SCFD2: variants seen among roughly 807,000 people sequenced by gnomAD.
SCFD2 encodes sec1 family domain-containing protein 2.
A neutral mutation model predicts 58.9 loss-of-function variants in SCFD2; 54 were observed. The ratio of observed to expected loss-of-function variants is 0.92; its 90% CI spans 0.74 to 1.15. The LOEUF (loss-of-function observed/expected upper bound fraction) is 1.15. SCFD2 is among the 50% of genes most tolerant of loss of function. SCFD2 has a pLI of 0.00. For synonymous variants in SCFD2, 321 were observed against 335.9 expected, an observed-to-expected ratio of 0.96 and a Z score of 0.49; for missense variants, 805 against 836.6, an observed-to-expected ratio of 0.96 and a Z score of 0.47.
chr4:52,936,856 C>T (rs1161540950), intron 5 of SCFD2, among the ~76,000 whole-genome samples: 1 of 152,240 alleles, frequency 6.6e-6, no homozygotes, highest in Non-Finnish European at 1.5e-5. Context: ...TTTACTCAGT[C>T]TTCTCCTGTA....
intron 3 of SCFD2, among the ~76,000 whole-genome samples, chr4:53,290,769 A>G (rs1284784073): frequency 6.6e-6 from 1 of 152,122 alleles, no homozygotes; most frequent in South Asian, 2.1e-4. Context: ...AAGTAGAGAC[A>G]TTACTACAGA....
At chr4:53,103,765 AAGT>A (rs1724898221) in intron 5 of SCFD2, among the ~76,000 whole-genome samples, 1 of 82,498 alleles carries the variant, frequency 1.2e-5, no homozygotes, top group Non-Finnish European at 3.0e-5. Flanking sequence ...GAAAGTAAGG[AAGT>A]AAAAAAAAAA....
intron 5 of SCFD2, among the ~76,000 whole-genome samples, chr4:52,980,133 A>G (rs188770659): frequency 1.3e-5 from 2 of 152,290 alleles, no homozygotes; most frequent in East Asian, 3.9e-4. Flanking sequence ...CAAACATGGT[A>G]ATGGTGTTCC....
intron 5 of SCFD2, among the ~76,000 whole-genome samples, chr4:53,122,055 C>T (rs1352864822): frequency 6.6e-6 from 1 of 152,138 alleles, no homozygotes; most frequent in African/African-American, 2.4e-5. Context: ...TCCCCAGACT[C>T]ACTCACTTTG....
At chr4:53,208,197 A>C (rs1459805988) in intron 4 of SCFD2, among the ~76,000 whole-genome samples, 1 of 151,796 alleles carries the variant, frequency 6.6e-6, no homozygotes, top group Admixed American at 6.6e-5. Flanking sequence ...GTCTGGTCTC[A>C]AATTCACGAG....
chr4:53,198,957 T>C (rs1341365776), intron 4 of SCFD2, among the ~76,000 whole-genome samples: 1 of 152,100 alleles, frequency 6.6e-6, no homozygotes, highest in Non-Finnish European at 1.5e-5. Context: ...AACAAAGTAA[T>C]TCACTAATGG....
chr4:53,282,856 G>A (rs1331544059), intron 3 of SCFD2, among the ~76,000 whole-genome samples: 1 of 152,108 alleles, frequency 6.6e-6, no homozygotes, highest in East Asian at 1.9e-4. Flanking sequence ...GACAGTGAAA[G>A]AGCGATGGAT....
In SCFD2 at chr4:53,342,641, T is replaced by C. The variant is rs73151285; in HGVS notation, c.1007+9957A>G. Among the ~76,000 whole-genome samples the C allele has an allele frequency of 1.9e-3, 284 of 152,308 alleles. 1 individual carries two copies. Among genetic ancestry groups the C allele is most frequent in the African/African-American group, 6.5e-3 (271 of 41,564 alleles). On this transcript the variant is annotated intron_variant, in intron 2 of 8. Transcript: ENST00000401642. ...CATCTACAGAACTCTCTAACTGAAA[T>C]ACACAGAATATACATTCTTTCCAGC... is the stretch of plus-strand genomic sequence containing the variant.
chr4:53,366,053 T>C lies in SCFD2; in HGVS notation c.-112A>G, dbSNP rs1734699004. Reference sequence around the variant, plus strand: ...TTGACAGTCTCCACAGTACACGTGGTCGGCCTCTGACACGCTCCCTGATGG... The same window carrying C: ...TTGACAGTCTCCACAGTACACGTGGCCGGCCTCTGACACGCTCCCTGATGG... On this transcript the variant is annotated 5_prime_UTR_variant, in exon 1 of 9. Coordinates refer to ENST00000401642, the MANE Select transcript of SCFD2 (RefSeq NM_152540.4). 1 of 1,291,632 alleles carries C rather than the reference T, an allele frequency of 7.7e-7. No individual in the cohort carries two copies. Among genetic ancestry groups the C allele is most frequent in the Non-Finnish European group, 1.1e-6 (1 of 951,720 alleles). 80.0% of individuals were successfully genotyped at this position (1,291,632 alleles called of 1,614,324 possible). A position where few individuals can be genotyped will look rare whatever the true frequency, so the allele number is the denominator to read the frequency against.
At chr4:53,237,303 A>G (rs1309661651) in intron 4 of SCFD2, among the ~76,000 whole-genome samples, 2 of 151,092 alleles carry the variant, frequency 1.3e-5, no homozygotes. Flanking sequence ...CTGCCTTTCT[A>G]TTCCACAAAG....
chr4:53,263,929 G>C (rs1730904287), intron 4 of SCFD2, among the ~76,000 whole-genome samples: 1 of 152,174 alleles, frequency 6.6e-6, no homozygotes, highest in South Asian at 2.1e-4. Flanking sequence ...AGCAGGAATA[G>C]GTGTGTCTGA....
At chr4:52,942,819 G>A (rs1720327121) in intron 5 of SCFD2, among the ~76,000 whole-genome samples, 1 of 152,060 alleles carries the variant, frequency 6.6e-6, no homozygotes, top group Non-Finnish European at 1.5e-5. Context: ...CAGTGGCTTG[G>A]CCTTGGAAAT....
intron 4 of SCFD2, among the ~76,000 whole-genome samples, chr4:53,258,507 T>C (rs564335763): frequency 6.7e-6 from 1 of 148,382 alleles, no homozygotes; most frequent in East Asian, 2.0e-4. Flanking sequence ...TTGTTTCTTT[T>C]TATGGCTAAG....
chr4:53,234,670 C>T (rs1337955753), intron 4 of SCFD2, among the ~76,000 whole-genome samples: 1 of 152,184 alleles, frequency 6.6e-6, no homozygotes, highest in African/African-American at 2.4e-5. Context: ...TCATACACTA[C>T]TTCCAAACAC....
intron 5 of SCFD2, among the ~76,000 whole-genome samples, chr4:53,015,643 T>G (rs1722194797): frequency 6.6e-6 from 1 of 152,168 alleles, no homozygotes; most frequent in Non-Finnish European, 1.5e-5. Flanking sequence ...ATCTTCCAAG[T>G]TGGTAACACA....
chr4:53,027,375 C>T (rs776797485), intron 5 of SCFD2, among the ~76,000 whole-genome samples: 60 of 152,064 alleles, frequency 3.9e-4, no homozygotes, highest in African/African-American at 1.3e-3. Context: ...GGTTTTCCAA[C>T]GTCCTTGGAT....
chr4:52,900,192 A>C (rs1719148947), intron 7 of SCFD2, among the ~76,000 whole-genome samples: 1 of 152,084 alleles, frequency 6.6e-6, no homozygotes, highest in African/African-American at 2.4e-5. Context: ...GTTGCTGGTG[A>C]GGAGCTGCGT....
chr4:52,875,831 T>G (rs1301325609), intron 8 of SCFD2, among the ~76,000 whole-genome samples: 6 of 65,722 alleles, frequency 9.1e-5, no homozygotes, highest in East Asian at 5.2e-4. Context: ...TATATATATA[T>G]ATATATATAT....
At chr4:52,980,627 C>T (rs973677452) in intron 5 of SCFD2, among the ~76,000 whole-genome samples, 3 of 152,282 alleles carry the variant, frequency 2.0e-5, no homozygotes, top group African/African-American at 7.2e-5. Flanking sequence ...CCAGCTTTGT[C>T]TCTGGCCACA....
Sources: allele counts gnomAD v4.1 joint callset (sites outside exome capture counted in the v4.1 genomes callset), GRCh38; gene constraint gnomAD v4.1.1; transcripts MANE v1.5; gene names NCBI Gene and HGNC (gene_info 2026-07-23, HGNC 2026-07-21).